Variants in MDM4 observed in about 807,000 individuals in gnomAD.
MDM4 encodes protein Mdm4.
Under a neutral mutation model 60.2 loss-of-function variants are expected in MDM4, and 2 were observed. The ratio of observed to expected loss-of-function variants is 0.03; its 90% CI spans 0.01 to 0.10. The LOEUF (loss-of-function observed/expected upper bound fraction) is 0.10. MDM4 is among the 10% of genes least tolerant of loss of function. The pLI is 1.00. For missense variants in MDM4, 447 were observed against 577.5 expected, an observed-to-expected ratio of 0.77 and a Z score of 2.32; for synonymous variants, 202 against 198.1, an observed-to-expected ratio of 1.02 and a Z score of -0.17.
intron 9 of MDM4, 90 bp downstream of exon 9, chr1:204,544,774 TTGCTC>T: frequency 3.4e-6 from 4 of 1,182,458 alleles, no homozygotes; most frequent in Non-Finnish European, 4.7e-6. Flanking sequence ...TTACAACAGA[TTGCTC>T]ACATAATCCC....
chr1:204,537,221 A>G (rs1294330011), intron 5 of MDM4, among the ~76,000 whole-genome samples: 1 of 152,088 alleles, frequency 6.6e-6, no homozygotes, highest in Non-Finnish European at 1.5e-5. Flanking sequence ...TATTTTGGTA[A>G]TATATTTTGG....
In MDM4 at chr1:204,552,671, T is replaced by C. The variant is rs1663308044; in HGVS notation, c.*2989T>C. 5.6e-6 allele frequency: 1 copy of C among 178,116 alleles called. No homozygotes were observed. Among genetic ancestry groups the C allele is most frequent in the Admixed American group, 6.3e-5 (1 of 15,856 alleles). 11.0% of individuals were successfully genotyped at this position (178,116 alleles called of 1,614,324 possible). On this transcript the variant is annotated 3_prime_UTR_variant, in exon 11 of 11. Coordinates refer to ENST00000367182, the MANE Select transcript of MDM4 (RefSeq NM_002393.5). ...AAGAAGTAAACATTTTACTTATGTT[T>C]ATAGGTATTTGATCCTAAATTTGAC...
At position 204,552,134 on chromosome 1, in the gene MDM4, A is replaced by G. The variant is rs1663259073; in HGVS notation, c.*2452A>G. 6.5e-6 allele frequency: 1 copy of G among 153,238 alleles called. No individual in the cohort carries two copies. The highest frequency in any genetic ancestry group is 6.5e-5 in the Admixed American group (1 of 15,288). The allele number at this position is 153,238 out of a possible 1,614,324, so 9.5% of individuals were successfully genotyped here. A position where few individuals can be genotyped will look rare whatever the true frequency, so the allele number is the denominator to read the frequency against. On this transcript the variant is annotated 3_prime_UTR_variant, in exon 11 of 11. Transcript: ENST00000367182. Reference sequence around the variant, plus strand: ...TAAAAATACAAAAAATTAGCTGGGCATGGTGGTGCATGCCTGTAGTCCCAG... The same window carrying G: ...TAAAAATACAAAAAATTAGCTGGGCGTGGTGGTGCATGCCTGTAGTCCCAG...
intron 1 of MDM4, among the ~76,000 whole-genome samples, chr1:204,517,324 A>G (rs562062346): frequency 1.3e-5 from 2 of 152,220 alleles, no homozygotes; most frequent in Admixed American, 1.3e-4. Context: ...AGAGAAATAT[A>G]TTTTAATGAG....
At chr1:204,532,715 TTAATC>T in intron 5 of MDM4, 1 of 1,590,052 alleles carries the variant, frequency 6.3e-7, no homozygotes. Context: ...ATAAGTGTCT[TTAATC>T]TATAAAACTT....
At chr1:204,544,892 C>T (rs949513900) in intron 9 of MDM4, among the ~76,000 whole-genome samples, 3 of 152,120 alleles carry the variant, frequency 2.0e-5, no homozygotes, top group African/African-American at 7.2e-5. Flanking sequence ...AAGCAGTAAG[C>T]TACTCTTTTT....
chr1:204,517,414 T>C (rs1479775008), intron 1 of MDM4, among the ~76,000 whole-genome samples: 1 of 151,538 alleles, frequency 6.6e-6, no homozygotes, highest in African/African-American at 2.4e-5. Context: ...TTTGTTTTTG[T>C]TTTTTTTGAG....
chr1:204,531,485 T>C lies in MDM4; in HGVS notation c.287+668T>C, dbSNP rs117139931. ...CTAATTAGTAATTTAGAAGCTCTCT[T>C]TCTCTATAGCTTTGATGACTGCTGC... On this transcript the variant is annotated intron_variant, in intron 4 of 10. Transcript: ENST00000367182. Among the ~76,000 whole-genome samples, 156 of 152,306 alleles carry C rather than the reference T, an allele frequency of 1.0e-3. 5 individuals are homozygous for C. In the East Asian group the frequency reaches 0.025, roughly 25 times the overall value.
At chr1:204,528,530 AACTCCATT>A (rs1481630378) in intron 3 of MDM4, among the ~76,000 whole-genome samples, 1 of 152,152 alleles carries the variant, frequency 6.6e-6, no homozygotes, top group East Asian at 1.9e-4. Flanking sequence ...ACTGGACACT[AACTCCATT>A]ACAAGGACCA....
In MDM4 at chr1:204,551,703, C is replaced by G. The variant is rs1663221344; in HGVS notation, c.*2021C>G. 8.7e-6 allele frequency: 2 copies of G among 230,464 alleles called. No homozygotes were observed. The highest frequency in any genetic ancestry group is 1.7e-5 in the Non-Finnish European group (2 of 116,660). The allele number at this position is 230,464 out of a possible 1,614,324, so 14.3% of individuals were successfully genotyped here. ...GCATGTGTCATTTTGAAGACCAAGG[C>G]CCTAGAATTGTCAAACTTAAGGATC... On this transcript the variant is annotated 3_prime_UTR_variant, in exon 11 of 11. Coordinates refer to ENST00000367182, the MANE Select transcript of MDM4 (RefSeq NM_002393.5).
At chr1:204,528,747 G>A in intron 3 of MDM4, 1 of 740,110 alleles carries the variant, frequency 1.4e-6, no homozygotes. Flanking sequence ...TGTTCTTCTA[G>A]AGGGACAGGA....
chr1:204,530,936 G>A, intron 4 of MDM4, 119 bp downstream of exon 4: 1 of 1,310,406 alleles, frequency 7.6e-7, no homozygotes, highest in Non-Finnish European at 1.1e-6. Context: ...ACATATGTTA[G>A]GTAGCCTATG....
intron 6 of MDM4, chr1:204,537,954 G>A (rs1339589990): frequency 1.4e-6 from 1 of 725,218 alleles, no homozygotes; most frequent in South Asian, 1.4e-5. Context: ...TATACAGATA[G>A]CCTGTTTTTA....
chr1:204,529,658 T>G, intron 3 of MDM4: 5 of 735,402 alleles, frequency 6.8e-6, no homozygotes, highest in African/African-American at 1.8e-5. Flanking sequence ...TTGCCCTGCA[T>G]CTCCAGGGCA....
intron 1 of MDM4, among the ~76,000 whole-genome samples, chr1:204,524,392 T>G (rs1307897677): frequency 6.6e-6 from 1 of 152,212 alleles, no homozygotes; most frequent in Non-Finnish European, 1.5e-5. Flanking sequence ...CATTTACCCT[T>G]TCCCTGATGT....
intron 7 of MDM4, among the ~76,000 whole-genome samples, chr1:204,539,529 GT>G (rs1261336032): frequency 7.2e-6 from 1 of 139,566 alleles, no homozygotes; most frequent in Non-Finnish European, 1.5e-5. Context: ...TTTTTTTTTT[GT>G]TTTGTTTTGT....
At chr1:204,522,360 G>A (rs978855928) in intron 1 of MDM4, among the ~76,000 whole-genome samples, 1 of 151,740 alleles carries the variant, frequency 6.6e-6, no homozygotes, top group African/African-American at 2.4e-5. Flanking sequence ...TGAGGAAGTA[G>A]GTGATGAGAT....
intron 3 of MDM4, chr1:204,529,079 C>T: frequency 1.4e-6 from 2 of 1,423,724 alleles, no homozygotes; most frequent in Non-Finnish European, 2.0e-6. Flanking sequence ...GAGCTTGCTG[C>T]AGCTCTGTGT....
chr1:204,525,720 C>A (rs2102316733), intron 2 of MDM4, 124 bp downstream of exon 2: 2 of 661,552 alleles, frequency 3.0e-6, no homozygotes, highest in Admixed American at 3.1e-5. Context: ...TTACTTGAAG[C>A]CAGGTGTTTG....
Sources: allele counts gnomAD v4.1 joint callset (sites outside exome capture counted in the v4.1 genomes callset), GRCh38; gene constraint gnomAD v4.1.1; transcripts MANE v1.5; gene names NCBI Gene and HGNC (gene_info 2026-07-23, HGNC 2026-07-21).